The following RAB8A variants were observed in gnomAD, a reference collection of about 807,000 sequenced individuals.
The protein encoded by RAB8A is ras-related protein Rab-8A.
In RAB8A, 5 loss-of-function variants were observed where a neutral mutation model predicts 29.2. The ratio of observed to expected loss-of-function variants is 0.17; its 90% CI spans 0.09 to 0.36. The LOEUF is 0.36. Ranked by LOEUF, RAB8A falls within the 10% of genes least tolerant of loss-of-function variation. RAB8A has a pLI of 1.00. For missense variants in RAB8A, 171 were observed against 272.2 expected, an observed-to-expected ratio of 0.63 and a Z score of 2.62; for synonymous variants, 108 against 99.9, an observed-to-expected ratio of 1.08 and a Z score of -0.49.
chr19:16,111,920 T>TA lies in RAB8A; in HGVS notation c.20dup (p.Tyr7Ter). The change falls in exon 1 of 8, where the codon TAC (tyrosine) becomes TAAC (stop). Residue 7 changes from tyrosine to a stop codon, truncating the protein, a stop_gained and frameshift_variant. Coordinates refer to ENST00000300935, the MANE Select transcript of RAB8A (RefSeq NM_005370.5). LOFTEE classifies it high-confidence loss of function. ...GTGTAATATGGCGAAGACCTACGAT[T>TA]ACCTGTTCAAGCTGCTGCTGATCGG... Reference protein sequence around the residue: MAKTYDYLFKLLLIGDS... With the variant: MAKTYD 6.2e-7 allele frequency: 1 copy of TA among 1,613,916 alleles called. No homozygotes were observed. The highest frequency in any genetic ancestry group is 8.5e-7 in the Non-Finnish European group (1 of 1,179,870).
rs2090895947 is a variant in RAB8A, at chr19:16,125,508, C to G, written c.285C>G (p.Ser95=). ...TCTACGACATCACCAACGAGAAGTC[C>G]TTCGACAACATCCGGAACTGGATTC... The part of the protein sequence containing the change: ...MLVYDITNEK[S]FDNIRNWIRN... Residue 95 remains serine, a synonymous_variant, in exon 4 of 8, where the codon TCC becomes TCG. Transcript: ENST00000300935. This position sits in a 1 kb window ranked among gnomAD's most constrained non-coding sequence, Gnocchi z 5.0. 1 of 1,614,062 alleles carries G rather than the reference C, an allele frequency of 6.2e-7. No homozygotes were observed. The highest frequency in any genetic ancestry group is 8.5e-7 in the Non-Finnish European group (1 of 1,180,004).
chr19:16,116,788 T>TCGCACCAC (rs2090847552), intron 1 of RAB8A, among the ~76,000 whole-genome samples: 2 of 150,846 alleles, frequency 1.3e-5, no homozygotes, highest in Non-Finnish European at 3.0e-5. Context: ...TGAGCCAAGA[T>TCGCACCAC]TGCACCACTG....
In RAB8A at chr19:16,122,156, T is replaced by A. The variant is rs1316365587; in HGVS notation, c.246+346T>A. ...GGAGCTGTCACATGACCTGCATCTG[T>A]CTCTGAAATTTGCTACCAAAAGCTT... is the stretch of plus-strand genomic sequence containing the variant. On this transcript the variant is annotated intron_variant, in intron 3 of 7. Coordinates refer to ENST00000300935, the MANE Select transcript of RAB8A (RefSeq NM_005370.5). This position sits in a 1 kb window ranked among gnomAD's most constrained non-coding sequence, Gnocchi z 4.7. 4.6e-6 allele frequency: 1 copy of A among 215,838 alleles called. No homozygotes were observed. The highest frequency in any genetic ancestry group is 2.3e-5 in the African/African-American group (1 of 44,212). The allele number at this position is 215,838 out of a possible 1,614,324, so 13.4% of individuals were successfully genotyped here.
chr19:16,123,087 T>C (rs2090882002), intron 3 of RAB8A, among the ~76,000 whole-genome samples: 1 of 152,212 alleles, frequency 6.6e-6, no homozygotes, highest in South Asian at 2.1e-4. Context: ...CAGGCGCCAT[T>C]GTCATCCCTG....
Position 16,122,763 on chromosome 19 carries a change from G to A in RAB8A, c.246+953G>A, listed in dbSNP as rs2090880764. Among the ~76,000 whole-genome samples the A allele has an allele frequency of 6.6e-6, 1 of 152,168 alleles. No individual in the cohort carries two copies. Among genetic ancestry groups the A allele is most frequent in the Admixed American group, 6.5e-5 (1 of 15,272 alleles). ...ATTATGTGTTTAGAGCATCCCACACGGCATCCGAAACCTCATGGCAACCCA... is the reference window on the plus strand; with the variant it reads ...ATTATGTGTTTAGAGCATCCCACACAGCATCCGAAACCTCATGGCAACCCA... On this transcript the variant is annotated intron_variant, in intron 3 of 7. Transcript: ENST00000300935. This position sits in a 1 kb window ranked among gnomAD's most constrained non-coding sequence, Gnocchi z 4.7.
At chr19:16,129,381 A>T (rs1244130853) in intron 6 of RAB8A, among the ~76,000 whole-genome samples, 173 bp from the exon 7 acceptor site, 1 of 152,094 alleles carries the variant, frequency 6.6e-6, no homozygotes, top group African/African-American at 2.4e-5. Flanking sequence ...GGAGCCGGGG[A>T]AGGATGAGCT....
rs1185739455 is a variant in RAB8A, at chr19:16,118,165, G to C, written c.125-61G>C. ...CACCTGCACAGGTTGGTGGCGCCCAGCTCAGACACAACTTGGGAAATGGGC... is the reference window on the plus strand; with the variant it reads ...CACCTGCACAGGTTGGTGGCGCCCACCTCAGACACAACTTGGGAAATGGGC... On this transcript the variant is annotated intron_variant, in intron 1 of 7. Coordinates refer to ENST00000300935, the MANE Select transcript of RAB8A (RefSeq NM_005370.5). The C allele has an allele frequency of 6.0e-6, 9 of 1,507,542 alleles. No individual in the cohort carries two copies. In the African/African-American group the frequency reaches 6.9e-5, roughly 11 times the overall value. The allele number at this position is 1,507,542 out of a possible 1,614,324, so 93.4% of individuals were successfully genotyped here.
chr19:16,116,785 A>C (rs2090847528), intron 1 of RAB8A, among the ~76,000 whole-genome samples: 1 of 151,654 alleles, frequency 6.6e-6, no homozygotes, highest in Admixed American at 6.6e-5. Flanking sequence ...CAGTGAGCCA[A>C]GATTGCACCA....
chr19:16,119,803 G>GTT (rs58523657), intron 2 of RAB8A, among the ~76,000 whole-genome samples: 71 of 147,584 alleles, frequency 4.8e-4, no homozygotes, highest in Non-Finnish European at 8.9e-4. Context: ...AAAATGACTG[G>GTT]TTTTTTTTTT....
chr19:16,123,861 T>C (rs138957710), intron 3 of RAB8A: 1 of 151,956 alleles, frequency 6.6e-6, no homozygotes, highest in East Asian at 1.9e-4. Flanking sequence ...CCCTGGAAAA[T>C]AGTCACTTGG....
At chr19:16,129,291 GC>G (rs1381740796) in intron 6 of RAB8A, among the ~76,000 whole-genome samples, 1 of 152,218 alleles carries the variant, frequency 6.6e-6, no homozygotes, top group African/African-American at 2.4e-5. Flanking sequence ...GGTGGCACAT[GC>G]GTAAAGTCCC....
At chr19:16,121,442 C>T (rs1053759477) in intron 2 of RAB8A, among the ~76,000 whole-genome samples, 2 of 152,160 alleles carry the variant, frequency 1.3e-5, no homozygotes, top group Admixed American at 6.5e-5. Flanking sequence ...TGTTCCTGAG[C>T]CACATGACTG....
Position 16,127,925 on chromosome 19 carries a change from G to C in RAB8A, c.415-101G>C, listed in dbSNP as rs914487350. On this transcript the variant is annotated intron_variant, in intron 5 of 7. Transcript: ENST00000300935. This position sits in a 1 kb window ranked among gnomAD's most constrained non-coding sequence, Gnocchi z 4.8. ...CGCCCACAGCCCCAGCCCTGTTGCT[G>C]CTCCCTCTTGGCGCCGGCCCTGCCT... 1.6e-6 allele frequency: 2 copies of C among 1,224,236 alleles called. No homozygotes were observed. The highest frequency in any genetic ancestry group is 3.0e-5 in the African/African-American group (2 of 66,880). 75.8% of individuals were successfully genotyped at this position (1,224,236 alleles called of 1,614,324 possible). A position where few individuals can be genotyped will look rare whatever the true frequency, so the allele number is the denominator to read the frequency against.
rs2090915892 is a variant in RAB8A, at chr19:16,129,471, G to C, written c.481-83G>C. On this transcript the variant is annotated intron_variant, in intron 6 of 7. Transcript: ENST00000300935. ...ATGGGAGGCCCACGCCTGGGAAGCT[G>C]TCTCACCACACCCGCTGTACACGGG... 5.7e-6 allele frequency: 8 copies of C among 1,401,642 alleles called. No homozygotes were observed. In the Admixed American group the frequency reaches 1.3e-4, roughly 24 times the overall value. 86.8% of individuals were successfully genotyped at this position (1,401,642 alleles called of 1,614,324 possible). A position where few individuals can be genotyped will look rare whatever the true frequency, so the allele number is the denominator to read the frequency against.
Position 16,127,521 on chromosome 19 carries a change from G to GA in RAB8A, c.413dup (p.Leu139AlafsTer77). The stretch of plus-strand genomic sequence containing the variant: ...GAGACAAGTTTCCAAGGAACGGGGA[G>GA]AAAAGGTGGGCATGGTGGCACAAGG... On this transcript the variant is annotated frameshift_variant, in exon 5 of 8. Transcript: ENST00000300935. LOFTEE classifies it high-confidence loss of function. This position sits in a 1 kb window ranked among gnomAD's most constrained non-coding sequence, Gnocchi z 4.8. 1 of 1,533,806 alleles carries GA rather than the reference G, an allele frequency of 6.5e-7. No homozygotes were observed. Among genetic ancestry groups the GA allele is most frequent in the East Asian group, 2.4e-5 (1 of 42,078 alleles).
intron 4 of RAB8A, chr19:16,126,119 A>G: frequency 1.1e-5 from 2 of 189,440 alleles, no homozygotes; most frequent in South Asian, 2.1e-4. Context: ...GCTTTCTATA[A>G]CTAACCATGT....
In RAB8A at chr19:16,123,339, G is replaced by A. The variant is rs144080392; in HGVS notation, c.246+1529G>A. On this transcript the variant is annotated intron_variant, in intron 3 of 7. Transcript: ENST00000300935. ...CATTGAAAATCCAGCCAGGCGCAGT[G>A]GCTGATGCCTGTAATCCCAGCACTT... is the stretch of plus-strand genomic sequence containing the variant. Among the ~76,000 whole-genome samples the A allele has an allele frequency of 5.8e-3, 888 of 152,344 alleles. 8 individuals are homozygous for A. The highest frequency in any genetic ancestry group is 0.051 in the Middle Eastern group (15 of 294).
At position 16,132,189 on chromosome 19, in the gene RAB8A, C is replaced by T; in HGVS notation, c.532-23C>T. 6.3e-7 allele frequency: 1 copy of T among 1,576,524 alleles called. No homozygotes were observed. Among genetic ancestry groups the T allele is most frequent in the Non-Finnish European group, 8.7e-7 (1 of 1,145,780 alleles). Reference sequence around the variant, plus strand: ...TAGTGCTGATTCTCAGTGATAACCTCAGAAAACCTCTTGTGATTTCAGGAA... The same window carrying T: ...TAGTGCTGATTCTCAGTGATAACCTTAGAAAACCTCTTGTGATTTCAGGAA... On this transcript the variant is annotated intron_variant, in intron 7 of 7. Transcript: ENST00000300935. The surrounding 1 kb of genome is among the most constrained non-coding windows in gnomAD (Gnocchi z 5.6).
At chr19:16,112,054 G>A (rs1450903213) in intron 1 of RAB8A, 29 bp downstream of exon 1, 1 of 1,611,394 alleles carries the variant, frequency 6.2e-7, no homozygotes. Context: ...GGCTGGGGGC[G>A]CCGGAGGCCC....
Sources: gnomAD v4.1 joint callset for allele counts (sites outside exome capture counted in the v4.1 genomes callset) on GRCh38, gnomAD v4.1.1 for gene constraint, Gnocchi (gnomAD v3.1) non-coding constraint, MANE v1.5 for transcripts, NCBI Gene and HGNC (gene_info 2026-07-23, HGNC 2026-07-21) for gene names.